KCNN4: variants seen among roughly 807,000 people sequenced by gnomAD.
The protein encoded by KCNN4 is potassium calcium-activated channel subfamily N member 4.
Under a neutral mutation model 45.2 loss-of-function variants are expected in KCNN4, and 31 were observed. That is an observed-to-expected ratio of 0.69 (90% CI 0.52 to 0.92). The LOEUF is 0.92. Among genes scored for constraint, KCNN4 ranks in the 40% least tolerant of loss-of-function variants. The pLI, the probability that KCNN4 is intolerant of heterozygous loss-of-function variation, is 0.00. For missense variants in KCNN4, 463 were observed against 574.0 expected (o/e 0.81, Z 1.98); for synonymous variants, 231 against 254.6 (o/e 0.91, Z 0.88).
At position 43,766,754 on chromosome 19, in the gene KCNN4, C is replaced by T. The variant is rs201589524; in HGVS notation, c.*339G>A. ...AATCCTGGATCCGGGCCCCTAGTAC[C>T]CTCTTTCCCAGGGACCCAGGAGTCC... On this transcript the variant is annotated 3_prime_UTR_variant, in exon 9 of 9. Transcript: ENST00000648319. 2 of 152,602 alleles carry T rather than the reference C, an allele frequency of 1.3e-5. No homozygotes were observed. Among genetic ancestry groups the T allele is most frequent in the Non-Finnish European group, 2.9e-5 (2 of 68,074 alleles). 9.5% of individuals were successfully genotyped at this position (152,602 alleles called of 1,614,324 possible). A position where few individuals can be genotyped will look rare whatever the true frequency, so the allele number is the denominator to read the frequency against.
At chr19:43,779,140 G>A (rs1367210856) in intron 1 of KCNN4, among the ~76,000 whole-genome samples, 3 of 152,186 alleles carry the variant, frequency 2.0e-5, no homozygotes, top group East Asian at 3.8e-4. Flanking sequence ...CTTCCCCAAG[G>A]TCCCACTGAT....
chr19:43,771,963 G>A (rs1179647114), intron 4 of KCNN4, 37 bp downstream of exon 4: 2 of 1,557,832 alleles, frequency 1.3e-6, no homozygotes, highest in Non-Finnish European at 1.7e-6. Context: ...TGACCAGTTT[G>A]GGATAGGGAT....
chr19:43,771,884 G>T, intron 4 of KCNN4, 116 bp downstream of exon 4: 1 of 1,319,868 alleles, frequency 7.6e-7, no homozygotes, highest in Non-Finnish European at 1.0e-6. Flanking sequence ...AGACACTCAA[G>T]TTTCTCAGGA....
In KCNN4 at chr19:43,774,134, C is replaced by T; in HGVS notation, c.683+58G>A. On this transcript the variant is annotated intron_variant, in intron 3 of 8. Transcript: ENST00000648319. The surrounding 1 kb of genome is among the most constrained non-coding windows in gnomAD (Gnocchi z 5.6). ...CCTCAACCTGCACCGCGGCACAGGA[C>T]GGCCGCCGTGGCTGTCCGGGGTTCC... The T allele has an allele frequency of 6.6e-7, 1 of 1,513,026 alleles. No homozygotes were observed. Among genetic ancestry groups the T allele is most frequent in the Non-Finnish European group, 8.9e-7 (1 of 1,119,292 alleles). The allele number at this position is 1,513,026 out of a possible 1,614,324, so 93.7% of individuals were successfully genotyped here.
At position 43,772,735 on chromosome 19, in the gene KCNN4, C is replaced by G. The variant is rs1420212285; in HGVS notation, c.684-600G>C. On this transcript the variant is annotated intron_variant, in intron 3 of 8. Coordinates refer to ENST00000648319, the MANE Select transcript of KCNN4 (RefSeq NM_002250.3). The surrounding 1 kb of genome is among the most constrained non-coding windows in gnomAD (Gnocchi z 4.4). ...GTCCACAGGCCCCTTGCCGCAAGACCAGCAGGGAAAGCTTCATTCATGAGG... is the reference window on the plus strand; with the variant it reads ...GTCCACAGGCCCCTTGCCGCAAGACGAGCAGGGAAAGCTTCATTCATGAGG... Among the ~76,000 whole-genome samples the G allele has an allele frequency of 1.3e-5, 2 of 152,116 alleles. No homozygotes were observed. The highest frequency in any genetic ancestry group is 2.9e-5 in the Non-Finnish European group (2 of 68,024).
At chr19:43,773,644 G>C (rs1188688051) in intron 3 of KCNN4, among the ~76,000 whole-genome samples, 1 of 152,180 alleles carries the variant, frequency 6.6e-6, no homozygotes, top group East Asian at 1.9e-4. Context: ...GTTTTTCTCT[G>C]AAAGGGATAG....
In KCNN4 at chr19:43,774,873, G is replaced by T. The variant is rs1427669311; in HGVS notation, c.256-254C>A. On this transcript the variant is annotated intron_variant, in intron 2 of 8. Transcript: ENST00000648319. The surrounding 1 kb of genome is among the most constrained non-coding windows in gnomAD (Gnocchi z 5.6). The stretch of plus-strand genomic sequence containing the variant: ...TCCAGCCTTTGAACACTGACTGAGC[G>T]CCGACTGTGTGCCTGACATTGTTCT... Among the ~76,000 whole-genome samples the T allele has an allele frequency of 6.6e-6, 1 of 152,144 alleles. No individual in the cohort carries two copies. Among genetic ancestry groups the T allele is most frequent in the Non-Finnish European group, 1.5e-5 (1 of 68,028 alleles).
Position 43,766,699 on chromosome 19 carries a change from G to C in KCNN4, c.*394C>G, listed in dbSNP as rs1001312810. 4 of 152,570 alleles carry C rather than the reference G, an allele frequency of 2.6e-5. No homozygotes were observed. Among genetic ancestry groups the C allele is most frequent in the African/African-American group, 9.7e-5 (4 of 41,408 alleles). The allele number at this position is 152,570 out of a possible 1,614,324, so 9.5% of individuals were successfully genotyped here. On this transcript the variant is annotated 3_prime_UTR_variant, in exon 9 of 9. Coordinates refer to ENST00000648319, the MANE Select transcript of KCNN4 (RefSeq NM_002250.3). ...CCCCAGCCTCATACCCAGTTCTTCA[G>C]CTCGGCCAGCGGTAACTGAAGCCTC...
chr19:43,780,379 C>T (rs73048670), intron 1 of KCNN4, among the ~76,000 whole-genome samples: 35,468 of 138,042 alleles, frequency 0.26, 6,060 homozygotes, highest in South Asian at 0.48. Context: ...TCCAGGAGTC[C>T]TGACCCCCAG....
rs374570622 is a variant in KCNN4 at position 43,780,714 on chromosome 19, C to T, written c.148G>A (p.Gly50Arg). ...MVLHAEMLWF[G>R]GCSWALYLFL... is the part of the protein sequence containing the mutation. ...CATGCCCCACTCACCGAGCACCCCC[C>T]GAACCACAGCATCTCTGCATGCAGC... Residue 50 changes from glycine to arginine, a missense_variant, in exon 1 of 9, where the codon GGG becomes AGG. This residue lies in a region of KCNN4 where 225 missense variants were observed against 240.9 expected (regional missense o/e 0.93). Coordinates refer to ENST00000648319, the MANE Select transcript of KCNN4 (RefSeq NM_002250.3). The T allele has an allele frequency of 6.8e-6, 11 of 1,613,278 alleles. No homozygotes were observed. Among genetic ancestry groups the T allele is most frequent in the Admixed American group, 3.3e-5 (2 of 59,928 alleles).
At chr19:43,776,450 G>C in intron 2 of KCNN4, 91 bp downstream of exon 2, 1 of 878,832 alleles carries the variant, frequency 1.1e-6, no homozygotes. Flanking sequence ...TCATTACTCA[G>C]ATCAGGAGGA....
Position 43,774,728 on chromosome 19 carries a change from C to T in KCNN4, c.256-109G>A. On this transcript the variant is annotated intron_variant, in intron 2 of 8. Coordinates refer to ENST00000648319, the MANE Select transcript of KCNN4 (RefSeq NM_002250.3). The surrounding 1 kb of genome is among the most constrained non-coding windows in gnomAD (Gnocchi z 5.6). ...AGATAAGTGGGGTGTGCCGCCTGGCCAGGAGGGAGGGAGTGCAGGGCGGGA... is the reference window on the plus strand; with the variant it reads ...AGATAAGTGGGGTGTGCCGCCTGGCTAGGAGGGAGGGAGTGCAGGGCGGGA... 1 of 924,432 alleles carries T rather than the reference C, an allele frequency of 1.1e-6. No homozygotes were observed. Among genetic ancestry groups the T allele is most frequent in the South Asian group, 2.0e-5 (1 of 50,340 alleles). 57.3% of individuals were successfully genotyped at this position (924,432 alleles called of 1,614,324 possible).
In KCNN4 at chr19:43,776,614, AC is replaced by A; in HGVS notation, c.181del (p.Val61LeufsTer28). The A allele has an allele frequency of 6.2e-7, 1 of 1,613,820 alleles. No homozygotes were observed. The highest frequency in any genetic ancestry group is 8.5e-7 in the Non-Finnish European group (1 of 1,179,702). ...GCSWALYLFL[V>X]KCTISISTFL... ...GGTGGAAATGCTGATCGTGCATTTA[AC>A]CAGGAACAGGTAGAGCGCCCACTGT... On this transcript the variant is annotated frameshift_variant, in exon 2 of 9. Transcript: ENST00000648319. LOFTEE classifies it high-confidence loss of function.
chr19:43,769,153 G>C lies in KCNN4; in HGVS notation c.1050-121C>G. 1 of 1,143,338 alleles carries C rather than the reference G, an allele frequency of 8.7e-7. No homozygotes were observed. The highest frequency in any genetic ancestry group is 2.4e-5 in the East Asian group (1 of 41,476). 70.8% of individuals were successfully genotyped at this position (1,143,338 alleles called of 1,614,324 possible). A position where few individuals can be genotyped will look rare whatever the true frequency, so the allele number is the denominator to read the frequency against. ...AACAAAACAAAGAAACAAAGTTGTC[G>C]AAGAGCTGAAAGAGTGGGAGGGGAT... is the stretch of plus-strand genomic sequence containing the variant. On this transcript the variant is annotated intron_variant, in intron 6 of 8. Transcript: ENST00000648319. The surrounding 1 kb of genome is among the most constrained non-coding windows in gnomAD (Gnocchi z 4.4).
Position 43,774,416 on chromosome 19 carries a change from G to C in KCNN4, c.459C>G (p.Ser153=). 2 of 1,597,138 alleles carry C rather than the reference G, an allele frequency of 1.3e-6. No individual in the cohort carries two copies. The highest frequency in any genetic ancestry group is 1.7e-6 in the Non-Finnish European group (2 of 1,172,120). ...GGTAGAGACGCAGCAGCATGGCCAG[G>C]GACAGCAGCGCTTCCCCTTGGCCCA... ...GFLGQGEALL[S]LAMLLRLYLV... Residue 153 remains serine, a synonymous_variant, in exon 3 of 9, where the codon TCC becomes TCG. Transcript: ENST00000648319. This position sits in a 1 kb window ranked among gnomAD's most constrained non-coding sequence, Gnocchi z 5.6.
intron 1 of KCNN4, 57 bp downstream of exon 1, chr19:43,780,646 A>G: frequency 1.4e-6 from 1 of 694,726 alleles, no homozygotes; most frequent in Non-Finnish European, 1.8e-6. Flanking sequence ...CCTGACCCCC[A>G]GCCCCTCCTC....
Position 43,776,642 on chromosome 19 carries a change from AG to A in KCNN4, c.160-7del. 1.2e-6 allele frequency: 2 copies of A among 1,600,280 alleles called. No individual in the cohort carries two copies. Among genetic ancestry groups the A allele is most frequent in the Non-Finnish European group, 8.6e-7 (1 of 1,167,572 alleles). On this transcript the variant is annotated splice_region_variant and splice_polypyrimidine_tract_variant and intron_variant, in intron 1 of 8. Transcript: ENST00000648319. The stretch of plus-strand genomic sequence containing the variant: ...AGGAACAGGTAGAGCGCCCACTGTC[AG>A]GGGGGACGGAAAAAGCGGTGTGAGA...
rs971065256 is a variant in KCNN4, at chr19:43,772,370, T to C, written c.684-235A>G. Among the ~76,000 whole-genome samples the C allele has an allele frequency of 2.6e-5, 4 of 152,160 alleles. No homozygotes were observed. The highest frequency in any genetic ancestry group is 5.9e-5 in the Non-Finnish European group (4 of 68,030). ...ACCTGGGCAAGTTGCTTAGCCACTC[T>C]GGGATTTGAGACTGGGTCTGGCCAA... On this transcript the variant is annotated intron_variant, in intron 3 of 8. Transcript: ENST00000648319. The surrounding 1 kb of genome is among the most constrained non-coding windows in gnomAD (Gnocchi z 4.4).
In KCNN4 at chr19:43,776,617, AG is replaced by A. The variant is rs1366702503; in HGVS notation, c.178del (p.Leu60TrpfsTer29). The A allele has an allele frequency of 6.2e-7, 1 of 1,613,614 alleles. No individual in the cohort carries two copies. Among genetic ancestry groups the A allele is most frequent in the African/African-American group, 1.3e-5 (1 of 74,902 alleles). On this transcript the variant is annotated frameshift_variant, in exon 2 of 9. Transcript: ENST00000648319. LOFTEE classifies it high-confidence loss of function. ...GGCSWALYLFLVKCTISISTF... is the reference protein window; with the variant it reads ...GGCSWALYLFXVKCTISISTF... ...GGAAATGCTGATCGTGCATTTAACC[AG>A]GAACAGGTAGAGCGCCCACTGTCAG...
Sources: allele counts gnomAD v4.1 joint callset (sites outside exome capture counted in the v4.1 genomes callset), GRCh38; gene constraint gnomAD v4.1.1; regional missense constraint gnomAD v4.1.1; non-coding constraint Gnocchi (gnomAD v3.1); transcripts MANE v1.5; gene names NCBI Gene and HGNC (gene_info 2026-07-23, HGNC 2026-07-21).